The following ADAMTSL1 variants were observed in gnomAD, a reference collection of about 807,000 sequenced individuals.
ADAMTSL1 encodes the protein ADAMTS-like protein 1.
A neutral mutation model predicts 201.8 loss-of-function variants in ADAMTSL1; 126 were observed. The ratio of observed to expected loss-of-function variants is 0.62; its 90% CI spans 0.54 to 0.72. The LOEUF (loss-of-function observed/expected upper bound fraction) is 0.72, where lower values mean the gene tolerates loss of function less well. ADAMTSL1 is among the 30% of genes least tolerant of loss of function. The probability of loss-of-function intolerance (pLI) is 0.00; values close to 1 mark genes in which losing one functional copy is unlikely to be tolerated. For missense variants in ADAMTSL1, 2,679 were observed against 2,277.8 expected (o/e 1.18, Z -3.59); for synonymous variants, 1,121 against 903.4 (o/e 1.24, Z -4.32).
intron 23 of ADAMTSL1, among the ~76,000 whole-genome samples, chr9:18,886,166 G>GTATATATATATA (rs751978972): frequency 1.6e-4 from 6 of 37,130 alleles, no homozygotes; most frequent in South Asian, 9.6e-4. Context: ...GTGTGTATGT[G>GTATATATATATA]TATATATATA....
chr9:18,011,840 C>G (rs1354363419), intron 1 of ADAMTSL1, among the ~76,000 whole-genome samples: 1 of 151,906 alleles, frequency 6.6e-6, no homozygotes, highest in African/African-American at 2.4e-5. Context: ...TTACATGACA[C>G]AATACAACCC....
At chr9:18,434,498 G>A (rs551024855) in intron 2 of ADAMTSL1, among the ~76,000 whole-genome samples, 2 of 152,274 alleles carry the variant, frequency 1.3e-5, no homozygotes, top group Admixed American at 1.3e-4. Context: ...GAGCAGGCAG[G>A]TGGGACACAT....
At chr9:18,639,188 A>G in intron 6 of ADAMTSL1, 66 bp from the exon 7 acceptor site, 2 of 1,503,684 alleles carry the variant, frequency 1.3e-6, no homozygotes, top group Admixed American at 1.7e-5. Flanking sequence ...TTGTTGCATG[A>G]AATGTGCTTG....
At chr9:17,938,130 G>A (rs1055143742) in intron 1 of ADAMTSL1, among the ~76,000 whole-genome samples, 9 of 152,122 alleles carry the variant, frequency 5.9e-5, no homozygotes, top group Admixed American at 1.3e-4. Flanking sequence ...TATAATTTAA[G>A]ATTTTCATAG....
intron 2 of ADAMTSL1, among the ~76,000 whole-genome samples, chr9:18,283,931 G>A (rs55771730): frequency 0.54 from 32,288 of 59,866 alleles, 10,474 homozygotes; most frequent in Non-Finnish European, 0.6. Context: ...AAAAAAAAAA[G>A]AAGAAGAAGA....
Position 18,643,894 on chromosome 9 carries a change from T to G in ADAMTSL1, c.834+4483T>G, listed in dbSNP as rs530107730. Among the ~76,000 whole-genome samples, 327 of 148,980 alleles carry G rather than the reference T, an allele frequency of 2.2e-3. 2 individuals carry two copies. The highest frequency in any genetic ancestry group is 8.7e-4 in the Non-Finnish European group (58 of 66,316). On this transcript the variant is annotated intron_variant, in intron 7 of 28. Transcript: ENST00000380548. Reference sequence around the variant, plus strand: ...TTGTGGTTCCATTTGAATTTTAGGGTTTTTTTTTCCATTTCTGTGAAAAAT... The same window carrying G: ...TTGTGGTTCCATTTGAATTTTAGGGGTTTTTTTTCCATTTCTGTGAAAAAT...
In ADAMTSL1 at chr9:18,232,535, C is replaced by A. The variant is rs184597219; in HGVS notation, c.207+68554C>A. 3.3e-5 allele frequency among the ~76,000 whole-genome samples: 5 copies of A among 151,986 alleles called. No individual in the cohort carries two copies. In the South Asian group the frequency reaches 6.2e-4, roughly 19 times the overall value. ...TTTTTTCGCTGATGTGTTTTTGCAC[C>A]GAAAGAAGTGACTATTGCATAGTTA... is the stretch of plus-strand genomic sequence containing the variant. On this transcript the variant is annotated intron_variant, in intron 2 of 29. Transcript: ENST00000680146.
chr9:18,485,601 T>A (rs1587347885), intron 1 of ADAMTSL1, among the ~76,000 whole-genome samples: 1 of 152,146 alleles, frequency 6.6e-6, no homozygotes, highest in South Asian at 2.1e-4. Context: ...CCAGGCACTG[T>A]CCTAGTAGAG....
At chr9:18,360,087 G>A (rs10756959) in intron 2 of ADAMTSL1, among the ~76,000 whole-genome samples, 47,163 of 151,776 alleles carry the variant, frequency 0.31, 8,057 homozygotes, top group Admixed American at 0.46. Flanking sequence ...TGCTCACAGT[G>A]AGGGGAAGTC....
At chr9:18,251,438 C>T (rs1261562874) in intron 2 of ADAMTSL1, among the ~76,000 whole-genome samples, 1 of 152,130 alleles carries the variant, frequency 6.6e-6, no homozygotes, top group African/African-American at 2.4e-5. Context: ...AAAAACCTGA[C>T]AATTTTCTAG....
chr9:18,595,753 C>A (rs1188815700), intron 4 of ADAMTSL1, among the ~76,000 whole-genome samples: 1 of 152,206 alleles, frequency 6.6e-6, no homozygotes, highest in East Asian at 1.9e-4. Flanking sequence ...TCTTTCTGGA[C>A]CCCTTGGCAG....
At chr9:18,406,230 C>A (rs1366126016) in intron 2 of ADAMTSL1, among the ~76,000 whole-genome samples, 4 of 152,036 alleles carry the variant, frequency 2.6e-5, no homozygotes, top group African/African-American at 9.7e-5. Flanking sequence ...ATACCCTATT[C>A]AAAGAGTATG....
chr9:18,526,731 T>C (rs1564019545), intron 2 of ADAMTSL1, among the ~76,000 whole-genome samples: 1 of 152,134 alleles, frequency 6.6e-6, no homozygotes, highest in Non-Finnish European at 1.5e-5. Flanking sequence ...AACTGGCTCA[T>C]TGGGGGCAAC....
chr9:18,006,781 C>G (rs985803493), intron 1 of ADAMTSL1, among the ~76,000 whole-genome samples: 3 of 151,964 alleles, frequency 2.0e-5, no homozygotes, highest in Non-Finnish European at 2.9e-5. Context: ...TAGCTGCATA[C>G]TTACATTGTG....
chr9:18,680,641 CT>C, intron 11 of ADAMTSL1, 125 bp downstream of exon 11: 1 of 1,030,800 alleles, frequency 9.7e-7, no homozygotes, highest in Non-Finnish European at 1.4e-6. Flanking sequence ...AGCCTACCAG[CT>C]TAGCTCCTGG....
intron 1 of ADAMTSL1, among the ~76,000 whole-genome samples, chr9:17,944,200 AACTCCCG>A (rs1827359378): frequency 1.3e-5 from 2 of 152,178 alleles, no homozygotes; most frequent in South Asian, 4.1e-4. Context: ...ATCATGAGTG[AACTCCCG>A]TTCACAATTG....
chr9:18,786,609 T>C (rs1440971981), intron 19 of ADAMTSL1, among the ~76,000 whole-genome samples: 1 of 152,198 alleles, frequency 6.6e-6, no homozygotes, highest in Non-Finnish European at 1.5e-5. Context: ...TCCAAAATCA[T>C]TGTCATTTAG....
At chr9:18,535,901 G>A (rs569933637) in intron 3 of ADAMTSL1, among the ~76,000 whole-genome samples, 52 of 151,962 alleles carry the variant, frequency 3.4e-4, no homozygotes, top group Non-Finnish European at 7.2e-4. Context: ...TGACACGCAG[G>A]GATTATGGGA....
Position 18,070,314 on chromosome 9 carries a change from C to G in ADAMTSL1, c.88-93548C>G, listed in dbSNP as rs12350936. Among the ~76,000 whole-genome samples the G allele has an allele frequency of 2.2e-3, 331 of 152,046 alleles. 2 individuals carry two copies. The highest frequency in any genetic ancestry group is 7.4e-3 in the African/African-American group (308 of 41,498). On this transcript the variant is annotated intron_variant, in intron 1 of 29. Coordinates refer to the ADAMTSL1 transcript ENST00000680146. ...TGCTGGGAAACCCATCTGACTTGGT[C>G]GACATAGCTAAGAGCAGGAGTTGCT...
Sources: allele counts gnomAD v4.1 joint callset (sites outside exome capture counted in the v4.1 genomes callset), GRCh38; gene constraint gnomAD v4.1.1; transcripts MANE v1.5; gene names NCBI Gene and HGNC (gene_info 2026-07-23, HGNC 2026-07-21).